KIFAP3: variants seen among roughly 807,000 people sequenced by gnomAD.
The protein encoded by KIFAP3 is kinesin associated protein 3, also known as kinesin-associated protein 3.
In KIFAP3, 68 loss-of-function variants were observed where a neutral mutation model predicts 106.5. The ratio of observed to expected loss-of-function variants is 0.64; its 90% confidence interval spans 0.53 to 0.78. KIFAP3 has a LOEUF of 0.78. KIFAP3 is among the 30% of genes least tolerant of loss of function. KIFAP3 has a pLI of 0.00. For missense variants in KIFAP3, 780 were observed against 941.8 expected, an observed-to-expected ratio of 0.83 and a Z score of 2.25; for synonymous variants, 320 against 311.5, an observed-to-expected ratio of 1.03 and a Z score of -0.29.
chr1:169,999,511 G>A (rs1667554249), intron 10 of KIFAP3, among the ~76,000 whole-genome samples: 1 of 152,158 alleles, frequency 6.6e-6, no homozygotes, highest in South Asian at 2.1e-4. Context: ...TTGAGAACTA[G>A]GTTCTTAATG....
chr1:169,975,397 TAAGAA>T (rs1666172700), intron 16 of KIFAP3, among the ~76,000 whole-genome samples: 1 of 149,484 alleles, frequency 6.7e-6, no homozygotes, highest in Non-Finnish European at 1.5e-5. Flanking sequence ...TAACAAAAAA[TAAGAA>T]AAGGAATAAA....
intron 10 of KIFAP3, among the ~76,000 whole-genome samples, chr1:170,004,055 A>T (rs1667808550): frequency 6.6e-6 from 1 of 152,230 alleles, no homozygotes; most frequent in African/African-American, 2.4e-5. Context: ...AAGCATTCTT[A>T]TACACCAATA....
intron 16 of KIFAP3, among the ~76,000 whole-genome samples, chr1:169,974,130 G>GA (rs959295842): frequency 8.6e-5 from 13 of 151,088 alleles, no homozygotes; most frequent in Admixed American, 4.6e-4. Context: ...CATCCCAAAA[G>GA]AAAAAAAATG....
chr1:170,047,916 AGC>A (rs1301764772), intron 2 of KIFAP3, among the ~76,000 whole-genome samples: 1 of 152,232 alleles, frequency 6.6e-6, no homozygotes, highest in Non-Finnish European at 1.5e-5. Context: ...AAGACTGTCA[AGC>A]AAATGCTCCC....
At chr1:170,069,884 T>A (rs1671621266) in intron 1 of KIFAP3, among the ~76,000 whole-genome samples, 1 of 151,950 alleles carries the variant, frequency 6.6e-6, no homozygotes, top group Non-Finnish European at 1.5e-5. Context: ...GTAAAATTAT[T>A]TCTATCTGCA....
intron 16 of KIFAP3, among the ~76,000 whole-genome samples, chr1:169,974,455 G>T (rs768642621): frequency 8.6e-5 from 13 of 151,652 alleles, no homozygotes; most frequent in Non-Finnish European, 1.8e-4. Flanking sequence ...TTAAACTGTT[G>T]TTTTTTAAAA....
At chr1:170,006,234 T>C (rs1211582968) in intron 10 of KIFAP3, among the ~76,000 whole-genome samples, 2 of 152,194 alleles carry the variant, frequency 1.3e-5, no homozygotes, top group Non-Finnish European at 2.9e-5. Flanking sequence ...CTTCCTTTCA[T>C]GTGTTCCTTT....
chr1:170,072,995 G>A (rs1671774349), intron 1 of KIFAP3, among the ~76,000 whole-genome samples: 1 of 152,192 alleles, frequency 6.6e-6, no homozygotes, highest in South Asian at 2.1e-4. Flanking sequence ...ACAATAGGTT[G>A]AGAATTATAA....
chr1:170,010,937 T>C (rs1333654108), intron 10 of KIFAP3, among the ~76,000 whole-genome samples: 1 of 151,924 alleles, frequency 6.6e-6, no homozygotes, highest in Non-Finnish European at 1.5e-5. Context: ...ATAAGTAATT[T>C]CTATATATGA....
intron 7 of KIFAP3, among the ~76,000 whole-genome samples, chr1:170,032,885 A>G (rs191744189): frequency 9.7e-4 from 147 of 151,874 alleles, no homozygotes; most frequent in Admixed American, 1.8e-3. Context: ...GCACTTAAAC[A>G]ATAGTGAATC....
At chr1:170,079,743 T>C (rs1671985489) in intron 1 of KIFAP3, among the ~76,000 whole-genome samples, 1 of 152,102 alleles carries the variant, frequency 6.6e-6, no homozygotes, top group Admixed American at 6.5e-5. Context: ...TTTTGGCTTT[T>C]TGGAGTTCTT....
At chr1:170,005,423 C>T (rs1270582158) in intron 10 of KIFAP3, among the ~76,000 whole-genome samples, 1 of 151,920 alleles carries the variant, frequency 6.6e-6, no homozygotes, top group African/African-American at 2.4e-5. Flanking sequence ...TTTATTGCGG[C>T]ACTATTCACA....
At chr1:169,963,208 G>T (rs915785067) in intron 17 of KIFAP3, among the ~76,000 whole-genome samples, 1 of 152,118 alleles carries the variant, frequency 6.6e-6, no homozygotes, top group Admixed American at 6.6e-5. Context: ...GTGGTATTTG[G>T]TTTTCTGTTC....
chr1:170,033,626 T>C (rs1401293719), intron 7 of KIFAP3, among the ~76,000 whole-genome samples: 1 of 151,768 alleles, frequency 6.6e-6, no homozygotes, highest in Non-Finnish European at 1.5e-5. Context: ...TTGAAGAGAA[T>C]AGCCTTATTC....
intron 1 of KIFAP3, among the ~76,000 whole-genome samples, chr1:170,064,335 T>C (rs1671328607): frequency 6.6e-6 from 1 of 152,216 alleles, no homozygotes; most frequent in Non-Finnish European, 1.5e-5. Context: ...GAAATGTTTC[T>C]AAAGTTTCCT....
intron 1 of KIFAP3, among the ~76,000 whole-genome samples, chr1:170,058,426 T>C (rs894236156): frequency 6.6e-6 from 1 of 152,142 alleles, no homozygotes; most frequent in Middle Eastern, 3.4e-3. Flanking sequence ...ATTTCCTCCA[T>C]CTACTTGAAA....
intron 1 of KIFAP3, among the ~76,000 whole-genome samples, chr1:170,055,872 C>G (rs930761892): frequency 1.3e-5 from 2 of 152,108 alleles, no homozygotes; most frequent in Non-Finnish European, 2.9e-5. Context: ...TGGCTCACAC[C>G]TGTAATCCCA....
intron 10 of KIFAP3, among the ~76,000 whole-genome samples, chr1:169,997,431 T>C (rs1264500774): frequency 2.6e-5 from 4 of 152,326 alleles, no homozygotes; most frequent in Non-Finnish European, 5.9e-5. Flanking sequence ...TTGTGTTTTT[T>C]ATCCTCAAGA....
chr1:170,079,573 C>A (rs756275108), upstream of KIFAP3, among the ~76,000 whole-genome samples: 3 of 152,092 alleles, frequency 2.0e-5, no homozygotes, highest in Non-Finnish European at 4.4e-5. Context: ...CCTAATAAAG[C>A]ATACTTATAT....
Sources: gnomAD v4.1 joint callset for allele counts (sites outside exome capture counted in the v4.1 genomes callset) on GRCh38, gnomAD v4.1.1 for gene constraint, MANE v1.5 for transcripts, NCBI Gene and HGNC (gene_info 2026-07-23, HGNC 2026-07-21) for gene names.